SYT1: variants seen among roughly 807,000 people sequenced by gnomAD.
SYT1 encodes the protein synaptotagmin 1, also known as synaptotagmin-1.
A neutral mutation model predicts 44.8 loss-of-function variants in SYT1; 8 were observed. That is an observed-to-expected ratio of 0.18 (90% CI 0.10 to 0.32). The LOEUF is 0.32. Among genes scored for constraint, SYT1 ranks in the 10% least tolerant of loss-of-function variants. The pLI, the probability that SYT1 is intolerant of heterozygous loss-of-function variation, is 1.00. For synonymous variants in SYT1, 154 were observed against 188.8 expected (o/e 0.82, Z 1.51); for missense variants, 286 against 509.3 (o/e 0.56, Z 4.22).
chr12:78,881,800 T>G (rs944740777), intron 1 of SYT1, among the ~76,000 whole-genome samples: 7 of 150,824 alleles, frequency 4.6e-5, no homozygotes, highest in Non-Finnish European at 7.4e-5. Context: ...AGAAGAAGAG[T>G]ACCAGCTCTC....
intron 1 of SYT1, among the ~76,000 whole-genome samples, chr12:78,936,703 T>TTGA (rs1491258011): frequency 2.6e-5 from 4 of 152,198 alleles, no homozygotes; most frequent in Non-Finnish European, 5.9e-5. Context: ...AGGGACACTT[T>TTGA]ATTCAAGACT....
At chr12:79,349,035 A>AAAGAAAGAAAG (rs1565919879) in intron 8 of SYT1, among the ~76,000 whole-genome samples, 34 of 113,290 alleles carry the variant, frequency 3.0e-4, no homozygotes, top group African/African-American at 9.9e-4. Context: ...AAGAAAGAAA[A>AAAGAAAGAAAG]AGAAAGAAAG....
intron 4 of SYT1, among the ~76,000 whole-genome samples, chr12:79,276,589 T>C (rs1878737236): frequency 6.7e-6 from 1 of 150,320 alleles, no homozygotes; most frequent in East Asian, 2.0e-4. Flanking sequence ...GGCAGGAGAA[T>C]CACTTGAACC....
chr12:78,896,429 A>G (rs1875360762), intron 1 of SYT1, among the ~76,000 whole-genome samples: 1 of 151,800 alleles, frequency 6.6e-6, no homozygotes, highest in South Asian at 2.1e-4. Flanking sequence ...TGAACAAATG[A>G]GAAAATGTGG....
intron 4 of SYT1, among the ~76,000 whole-genome samples, chr12:79,253,311 T>C (rs987410268): frequency 2.0e-5 from 3 of 152,144 alleles, no homozygotes; most frequent in African/African-American, 7.2e-5. Context: ...ATTTTGGTAA[T>C]TCTTGAAATT....
At chr12:79,075,902 T>C (rs928497470) in intron 3 of SYT1, among the ~76,000 whole-genome samples, 1 of 152,192 alleles carries the variant, frequency 6.6e-6, no homozygotes, top group East Asian at 1.9e-4. Flanking sequence ...TCACAAATTA[T>C]ATCAACCTTG....
intron 9 of SYT1, chr12:79,393,265 A>G (rs1884740385): frequency 6.6e-6 from 1 of 152,216 alleles, no homozygotes; most frequent in South Asian, 2.1e-4. Flanking sequence ...AAATAAACAT[A>G]CGTGTGCATG....
intron 1 of SYT1, among the ~76,000 whole-genome samples, chr12:78,876,408 T>C (rs1592514202): frequency 6.7e-6 from 1 of 149,098 alleles, no homozygotes; most frequent in Non-Finnish European, 1.5e-5. Flanking sequence ...TATTTTCTGC[T>C]AATGCTCTCT....
At chr12:78,890,390 G>C (rs146469821) in intron 1 of SYT1, among the ~76,000 whole-genome samples, 1 of 151,810 alleles carries the variant, frequency 6.6e-6, no homozygotes, top group Non-Finnish European at 1.5e-5. Flanking sequence ...GGCCTGTCGT[G>C]GGGTGACGGG....
intron 1 of SYT1, among the ~76,000 whole-genome samples, chr12:78,957,772 AT>A (rs1879287842): frequency 6.6e-6 from 1 of 152,046 alleles, no homozygotes; most frequent in South Asian, 2.1e-4. Flanking sequence ...GGAGATCTTA[AT>A]CTTGTAAGGT....
At chr12:79,358,005 G>A (rs1883177355) in intron 9 of SYT1, among the ~76,000 whole-genome samples, 1 of 152,116 alleles carries the variant, frequency 6.6e-6, no homozygotes, top group Non-Finnish European at 1.5e-5. Flanking sequence ...ATTTGTACCT[G>A]TGTAAACTCC....
chr12:78,875,048 A>T (rs1327282722), intron 1 of SYT1, among the ~76,000 whole-genome samples: 2 of 151,644 alleles, frequency 1.3e-5, no homozygotes, highest in African/African-American at 4.8e-5. Flanking sequence ...TTGCGTGTAA[A>T]TGAGAATTTC....
At chr12:79,293,411 T>TAAAATAAATAAAATAAAATA (rs1565894734) in intron 6 of SYT1, among the ~76,000 whole-genome samples, 1 of 62,938 alleles carries the variant, frequency 1.6e-5, no homozygotes, top group African/African-American at 5.6e-5. Flanking sequence ...AAAATAAAAT[T>TAAAATAAATAAAATAAAATA]AAAAAATCTG....
intron 8 of SYT1, among the ~76,000 whole-genome samples, chr12:79,300,378 G>A (rs1396031377): frequency 2.6e-5 from 4 of 152,024 alleles, no homozygotes; most frequent in Non-Finnish European, 2.9e-5. Context: ...CTGTAATTAC[G>A]CAAGAGATTG....
At chr12:79,176,267 C>T (rs995303571) in intron 3 of SYT1, among the ~76,000 whole-genome samples, 2 of 134,902 alleles carry the variant, frequency 1.5e-5, no homozygotes, top group African/African-American at 5.8e-5. Flanking sequence ...CCAGCCTGGG[C>T]AACAAGAGCG....
chr12:79,007,358 A>G (rs1871158087), intron 2 of SYT1, among the ~76,000 whole-genome samples: 1 of 152,142 alleles, frequency 6.6e-6, no homozygotes, highest in African/African-American at 2.4e-5. Context: ...GAAAAGTAAG[A>G]CACATTAGTC....
rs11390201 is a variant in SYT1 at position 79,148,026 on chromosome 12, G to GAAA, written c.-17-69471_-17-69469dup. On this transcript the variant is annotated intron_variant, in intron 3 of 10. Transcript: ENST00000261205. ...TGCAGCTTGAGTTGTAAACATTAAT[G>GAAA]AAAAAAAAGATTTCTAAGCAAATAA... Among the ~76,000 whole-genome samples the GAAA allele has an allele frequency of 4.1e-3, 627 of 151,602 alleles. 3 individuals are homozygous for GAAA. Among genetic ancestry groups the GAAA allele is most frequent in the African/African-American group, 0.014 (594 of 41,334 alleles).
intron 2 of SYT1, among the ~76,000 whole-genome samples, chr12:79,017,710 G>A (rs1215827362): frequency 6.6e-6 from 1 of 152,072 alleles, no homozygotes; most frequent in African/African-American, 2.4e-5. Flanking sequence ...TGCATGCTCT[G>A]CTAAGTAATT....
chr12:78,882,397 C>A (rs1874507832), intron 1 of SYT1, among the ~76,000 whole-genome samples: 1 of 151,710 alleles, frequency 6.6e-6, no homozygotes, highest in South Asian at 2.1e-4. Context: ...TTTAATCACT[C>A]TATGAGTGTA....
Sources: gnomAD v4.1 joint callset for allele counts (sites outside exome capture counted in the v4.1 genomes callset) on GRCh38, gnomAD v4.1.1 for gene constraint, MANE v1.5 for transcripts, NCBI Gene and HGNC (gene_info 2026-07-23, HGNC 2026-07-21) for gene names.